CSMD2: variants seen among roughly 807,000 people sequenced by gnomAD.
CSMD2 encodes the protein CUB and sushi domain-containing protein 2.
CSMD2 carries 130 observed loss-of-function variants against 398.5 expected under a neutral mutation model. That is an observed-to-expected ratio of 0.33 (90% CI 0.28 to 0.38). The LOEUF is 0.38. Ranked by LOEUF, CSMD2 falls within the 10% of genes least tolerant of loss-of-function variation. The probability of loss-of-function intolerance (pLI) is 1.00; values close to 1 mark genes in which losing one functional copy is unlikely to be tolerated. For synonymous variants in CSMD2, 1,828 were observed against 1,908.5 expected, an observed-to-expected ratio of 0.96 and a Z score of 1.10; for missense variants, 3,829 against 4,764.9, an observed-to-expected ratio of 0.80 and a Z score of 5.78.
intron 3 of CSMD2, among the ~76,000 whole-genome samples, chr1:34,026,496 T>C (rs1649662246): frequency 1.3e-5 from 2 of 152,144 alleles, no homozygotes; most frequent in Non-Finnish European, 2.9e-5. Flanking sequence ...AGCTAGAGTA[T>C]TAAGTAGATC....
chr1:33,944,217 A>G (rs1644769510), intron 3 of CSMD2, among the ~76,000 whole-genome samples: 1 of 151,252 alleles, frequency 6.6e-6, no homozygotes, highest in Non-Finnish European at 1.5e-5. Context: ...CATATGATTC[A>G]TATCTCAGGA....
At chr1:34,152,150 C>T (rs1163551585) in intron 1 of CSMD2, among the ~76,000 whole-genome samples, 1 of 152,160 alleles carries the variant, frequency 6.6e-6, no homozygotes, top group Non-Finnish European at 1.5e-5. Flanking sequence ...CACACTTGGC[C>T]TATTTCCTTT....
At chr1:33,885,372 A>C (rs1282053255) in intron 5 of CSMD2, 3 of 152,174 alleles carry the variant, frequency 2.0e-5, no homozygotes, top group African/African-American at 7.2e-5. Context: ...ATCTACCACA[A>C]GATGATTAAG....
chr1:33,692,955 C>T lies in CSMD2; in HGVS notation c.4027G>A (p.Glu1343Lys), dbSNP rs756045595. Residue 1343 changes from glutamate to lysine, a missense_variant, in exon 25 of 71, where the codon GAA becomes AAA. Transcript: ENST00000373381. ...CCAATGGTGCAGCCGGCCTCTGCTT[C>T]GATGGTCCAGATGCAGTTGAGATTG... is the stretch of plus-strand genomic sequence containing the variant. ...EHNLNCIWTI[E>K]AEAGCTIGLH... The T allele has an allele frequency of 9.3e-6, 15 of 1,608,012 alleles. No individual in the cohort carries two copies. In the Admixed American group the frequency reaches 1.0e-4, roughly 11 times the overall value.
At chr1:34,032,486 C>T in intron 3 of CSMD2, 108 bp downstream of exon 3, 1 of 671,798 alleles carries the variant, frequency 1.5e-6, no homozygotes, top group South Asian at 2.3e-5. Context: ...CAGGCGCAAG[C>T]TCTGGGTCTG....
At chr1:33,678,313 T>TAAAAAAA (rs5773424) in intron 25 of CSMD2, among the ~76,000 whole-genome samples, 1 of 140,934 alleles carries the variant, frequency 7.1e-6, no homozygotes, top group Admixed American at 7.1e-5. Flanking sequence ...CTTTATAAAT[T>TAAAAAAA]AAAAAAAAAA....
At position 33,815,144 on chromosome 1, in the gene CSMD2, T is replaced by C. The variant is rs552350520; in HGVS notation, c.1325-4280A>G. 2.0e-5 allele frequency among the ~76,000 whole-genome samples: 3 copies of C among 152,262 alleles called. No individual in the cohort carries two copies. The South Asian group carries it at 6.2e-4, about 32-fold the overall frequency. Reference sequence around the variant, plus strand: ...TTCAGCCCAAGTCTATCATTTCCCATGTCTTCCTTCACCAATTCCTTGCAG... The same window carrying C: ...TTCAGCCCAAGTCTATCATTTCCCACGTCTTCCTTCACCAATTCCTTGCAG... On this transcript the variant is annotated intron_variant, in intron 9 of 70. Transcript: ENST00000373381.
chr1:33,966,647 G>C (rs1023855210), intron 3 of CSMD2, among the ~76,000 whole-genome samples: 8 of 152,228 alleles, frequency 5.3e-5, no homozygotes, highest in Non-Finnish European at 1.0e-4. Flanking sequence ...TTTTTAGCAA[G>C]AAAATAGAAG....
At chr1:34,048,215 ATGTT>A (rs1273330569) in intron 2 of CSMD2, among the ~76,000 whole-genome samples, 1 of 152,058 alleles carries the variant, frequency 6.6e-6, no homozygotes, top group Non-Finnish European at 1.5e-5. Context: ...AATAATGATG[ATGTT>A]TGTTATTAAC....
intron 6 of CSMD2, among the ~76,000 whole-genome samples, chr1:33,844,061 G>A (rs1221576988): frequency 6.6e-6 from 1 of 152,144 alleles, no homozygotes; most frequent in Admixed American, 6.5e-5. Flanking sequence ...ACCCTCTACC[G>A]TTAAAGCTGT....
intron 10 of CSMD2, among the ~76,000 whole-genome samples, chr1:33,809,423 T>C (rs1203458938): frequency 1.3e-5 from 2 of 152,032 alleles, no homozygotes; most frequent in African/African-American, 4.8e-5. Flanking sequence ...ATTGTATCAA[T>C]AGATATAGGA....
chr1:33,575,033 A>C (rs1167775049), intron 49 of CSMD2, among the ~76,000 whole-genome samples: 1 of 152,204 alleles, frequency 6.6e-6, no homozygotes, highest in Non-Finnish European at 1.5e-5. Flanking sequence ...ACAGAAGATA[A>C]TACTCCAGCC....
chr1:33,749,199 C>T (rs549909346), intron 13 of CSMD2, among the ~76,000 whole-genome samples: 59 of 146,088 alleles, frequency 4.0e-4, no homozygotes, highest in South Asian at 2.6e-3. Context: ...CCCAGGTTCA[C>T]GCCATTCTCT....
chr1:34,000,595 A>C (rs1326622451), intron 3 of CSMD2, among the ~76,000 whole-genome samples: 1 of 152,196 alleles, frequency 6.6e-6, no homozygotes, highest in African/African-American at 2.4e-5. Context: ...CCAACTCAAA[A>C]AAAGGGAGAG....
intron 20 of CSMD2, among the ~76,000 whole-genome samples, 186 bp from the exon 21 acceptor site, chr1:33,714,961 G>A (rs933699663): frequency 1.3e-5 from 2 of 152,174 alleles, no homozygotes; most frequent in Non-Finnish European, 1.5e-5. Flanking sequence ...GTGAGAGCCC[G>A]AGGGGAGCAG....
intron 6 of CSMD2, among the ~76,000 whole-genome samples, chr1:33,846,657 A>AG: frequency 6.6e-6 from 1 of 152,346 alleles, no homozygotes; most frequent in South Asian, 2.1e-4. Context: ...CTGGCATGTG[A>AG]GGGGCAGCTC....
intron 6 of CSMD2, among the ~76,000 whole-genome samples, chr1:33,831,270 G>C (rs1269757179): frequency 6.6e-6 from 1 of 152,138 alleles, no homozygotes; most frequent in Non-Finnish European, 1.5e-5. Context: ...AGAAAGGTTA[G>C]GTTACCCACA....
intron 54 of CSMD2, 134 bp from the exon 55 acceptor site, chr1:33,558,056 T>A: frequency 1.4e-6 from 1 of 714,250 alleles, no homozygotes; most frequent in Non-Finnish European, 2.3e-6. Context: ...TCCCCTCACC[T>A]TGGTTACCTG....
intron 5 of CSMD2, among the ~76,000 whole-genome samples, chr1:33,865,352 T>C (rs1570324401): frequency 7.5e-6 from 1 of 134,088 alleles, no homozygotes; most frequent in East Asian, 2.3e-4. Flanking sequence ...CAGGGTGAAC[T>C]CCCAGGGGTG....
Sources: gnomAD v4.1 joint callset for allele counts (sites outside exome capture counted in the v4.1 genomes callset) on GRCh38, gnomAD v4.1.1 for gene constraint, MANE v1.5 for transcripts, NCBI Gene and HGNC (gene_info 2026-07-23, HGNC 2026-07-21) for gene names.